The following RFT1 variants were observed in gnomAD, a reference collection of about 807,000 sequenced individuals.
RFT1 encodes RFT1 glycolipid translocator homolog, also known as man(5)GlcNAc(2)-PP-dolichol translocation protein RFT1.
In RFT1, 43 loss-of-function variants were observed where a neutral mutation model predicts 62.2. The ratio of observed to expected loss-of-function variants is 0.69; its 90% CI spans 0.54 to 0.89. The LOEUF is 0.89. Among genes scored for constraint, RFT1 ranks in the 40% least tolerant of loss-of-function variants. The probability of loss-of-function intolerance (pLI) is 0.00; values close to 1 mark genes in which losing one functional copy is unlikely to be tolerated. For synonymous variants in RFT1, 262 were observed against 264.6 expected (o/e 0.99, Z 0.10); for missense variants, 605 against 649.9 (o/e 0.93, Z 0.75).
chr3:53,105,531 A>G (rs772586485), intron 9 of RFT1, 142 bp downstream of exon 9: 60 of 1,058,720 alleles, frequency 5.7e-5, no homozygotes, highest in Non-Finnish European at 8.3e-5. Context: ...GGGTCCCACT[A>G]TCATGAAGAA....
intron 3 of RFT1, among the ~76,000 whole-genome samples, chr3:53,123,102 A>G (rs1398550213): frequency 1.3e-5 from 2 of 152,248 alleles, no homozygotes; most frequent in Non-Finnish European, 2.9e-5. Context: ...AACACCTACC[A>G]GCCCTCATGA....
intron 7 of RFT1, among the ~76,000 whole-genome samples, chr3:53,111,443 G>C (rs1431864672): frequency 6.6e-6 from 1 of 152,004 alleles, no homozygotes; most frequent in East Asian, 1.9e-4. Context: ...TTATGTAACT[G>C]ATATAATACT....
At chr3:53,094,081 T>G (rs1701072947) in intron 11 of RFT1, among the ~76,000 whole-genome samples, 1 of 152,000 alleles carries the variant, frequency 6.6e-6, no homozygotes, top group South Asian at 2.1e-4. Flanking sequence ...TCTGCAGGTG[T>G]GGGAGGAGGT....
At chr3:53,071,122 G>T in the RFT1 span, among the ~76,000 whole-genome samples, 1 of 151,880 alleles carries the variant, frequency 6.6e-6, no homozygotes, top group African/African-American at 2.4e-5. Flanking sequence ...CAAACCCCTA[G>T]GCTCAAGCAA....
the RFT1 span, among the ~76,000 whole-genome samples, chr3:53,069,871 T>A: frequency 6.6e-6 from 1 of 152,242 alleles, no homozygotes; most frequent in Non-Finnish European, 1.5e-5. Context: ...GTTTCCCATA[T>A]ATGCACAGCC....
At position 53,125,949 on chromosome 3, in the gene RFT1, G is replaced by T. The variant is rs764833139; in HGVS notation, c.109C>A (p.Arg37Ser). ...ITFVLNAFIL[R>S]FLSKEIVGVV... ...CCAACGATTTCCTTTGACAGGAAGCGAAGAATAAATGCATTCAAGACAAAG... is the reference window on the plus strand; with the variant it reads ...CCAACGATTTCCTTTGACAGGAAGCTAAGAATAAATGCATTCAAGACAAAG... Residue 37 changes from arginine (R) to serine (S), a missense_variant, in exon 2 of 13, where the codon CGC becomes AGC. Coordinates refer to ENST00000296292, the MANE Select transcript of RFT1 (RefSeq NM_052859.4). 3.7e-6 allele frequency: 6 copies of T among 1,613,810 alleles called. No homozygotes were observed. Among genetic ancestry groups the T allele is most frequent in the Non-Finnish European group, 5.1e-6 (6 of 1,179,792 alleles).
At chr3:53,079,186 T>C in the RFT1 span, among the ~76,000 whole-genome samples, 1 of 152,200 alleles carries the variant, frequency 6.6e-6, no homozygotes, top group Admixed American at 6.5e-5. Flanking sequence ...GGGAGGCCTT[T>C]AGCAGTGGGC....
At chr3:53,096,917 G>A (rs1701159065) in intron 11 of RFT1, among the ~76,000 whole-genome samples, 1 of 151,902 alleles carries the variant, frequency 6.6e-6, no homozygotes, top group Non-Finnish European at 1.5e-5. Context: ...GCTAATTTTT[G>A]TATTTTTAGT....
intron 9 of RFT1, among the ~76,000 whole-genome samples, chr3:53,104,621 C>T (rs1192942504): frequency 2.6e-5 from 4 of 152,206 alleles, no homozygotes; most frequent in Admixed American, 6.5e-5. Context: ...TATGATGATA[C>T]TGTGAAGGTA....
downstream of RFT1, among the ~76,000 whole-genome samples, chr3:53,084,583 G>A (rs551060968): frequency 8.5e-5 from 13 of 152,302 alleles, no homozygotes; most frequent in South Asian, 1.2e-3. Context: ...CACTGACTGC[G>A]ATGACAGCTC....
rs1702031899 is a variant in RFT1 at position 53,123,758 on chromosome 3, C to G, written c.232G>C (p.Asp78His). ...AGCAGGTTGAGGGTCTGGCTCCAGT[C>G]TCGCTGGGTGCCCCCACTGAGACAT... Reference protein sequence around the residue: ...RACLSGGTQRDWSQTLNLLWL... With the variant: ...RACLSGGTQRHWSQTLNLLWL... The change falls in exon 3 of 13, where the codon GAC becomes CAC. Residue 78 changes from aspartate to histidine, a missense_variant. By Grantham distance (81) the Asp-to-His change is moderately conservative. Coordinates refer to ENST00000296292, the MANE Select transcript of RFT1 (RefSeq NM_052859.4). The G allele has an allele frequency of 6.2e-7, 1 of 1,614,088 alleles. No homozygotes were observed. The highest frequency in any genetic ancestry group is 8.5e-7 in the Non-Finnish European group (1 of 1,180,012).
intron 11 of RFT1, among the ~76,000 whole-genome samples, chr3:53,099,147 C>T (rs184313552): frequency 1.3e-5 from 2 of 152,210 alleles, no homozygotes; most frequent in Admixed American, 1.3e-4. Context: ...GTTTCTTCCT[C>T]CACAAAGGGG....
intron 1 of RFT1, 121 bp downstream of exon 1, chr3:53,130,217 T>A: frequency 1.0e-6 from 1 of 980,204 alleles, no homozygotes; most frequent in Non-Finnish European, 1.6e-6. Flanking sequence ...CCCCACCCCC[T>A]CCATTGCGGG....
rs926325053 is a variant in RFT1, at chr3:53,090,088, T to C, written c.*1815A>G. The C allele has an allele frequency of 6.5e-6, 1 of 152,714 alleles. No homozygotes were observed. Among genetic ancestry groups the C allele is most frequent in the African/African-American group, 2.4e-5 (1 of 41,460 alleles). The allele number at this position is 152,714 out of a possible 1,614,324, so 9.5% of individuals were successfully genotyped here. On this transcript the variant is annotated 3_prime_UTR_variant, in exon 13 of 13. Coordinates refer to ENST00000296292, the MANE Select transcript of RFT1 (RefSeq NM_052859.4). ...AAAGCCAATCTCAGAGCCCTCCTCC[T>C]GGGAGACACAGACCCTGAAGGCCTG...
At chr3:53,122,748 C>T (rs1250566437) in intron 3 of RFT1, among the ~76,000 whole-genome samples, 185 bp from the exon 4 acceptor site, 1 of 152,118 alleles carries the variant, frequency 6.6e-6, no homozygotes, top group Non-Finnish European at 1.5e-5. Context: ...CACAATGATC[C>T]TCTGTCATTA....
At chr3:53,069,971 C>A in the RFT1 span, among the ~76,000 whole-genome samples, 3 of 152,184 alleles carry the variant, frequency 2.0e-5, no homozygotes, top group African/African-American at 7.2e-5. Flanking sequence ...CTGTGCCCTG[C>A]AGCAGAGCAG....
At chr3:53,082,088 C>A in the RFT1 span, among the ~76,000 whole-genome samples, 1 of 151,924 alleles carries the variant, frequency 6.6e-6, no homozygotes, top group Non-Finnish European at 1.5e-5. Context: ...GGACCACAGG[C>A]GAGAGCCACC....
intron 9 of RFT1, 112 bp downstream of exon 9, chr3:53,105,561 C>A: frequency 8.3e-6 from 11 of 1,326,086 alleles, no homozygotes; most frequent in Non-Finnish European, 1.1e-5. Context: ...AGAATGAAAT[C>A]TATAAGAAAA....
chr3:53,123,215 T>C (rs1021076046), intron 3 of RFT1, among the ~76,000 whole-genome samples: 1 of 152,168 alleles, frequency 6.6e-6, no homozygotes, highest in Non-Finnish European at 1.5e-5. Context: ...GAAAAGCCAT[T>C]GCAATTTTAA....
Sources: gnomAD v4.1 joint callset for allele counts (sites outside exome capture counted in the v4.1 genomes callset) on GRCh38, gnomAD v4.1.1 for gene constraint, MANE v1.5 for transcripts, NCBI Gene and HGNC (gene_info 2026-07-23, HGNC 2026-07-21) for gene names.